Variants in PCDH11X observed in about 807,000 individuals in gnomAD.
PCDH11X encodes the protein protocadherin 11 X-linked.
Under a neutral mutation model 53.3 loss-of-function variants are expected in PCDH11X, and 18 were observed. The ratio of observed to expected loss-of-function variants is 0.34; its 90% CI spans 0.23 to 0.50. The LOEUF (loss-of-function observed/expected upper bound fraction) is 0.50. Among genes scored for constraint, PCDH11X ranks in the 20% least tolerant of loss-of-function variants. PCDH11X has a pLI of 0.98. For synonymous variants in PCDH11X, 279 were observed against 393.3 expected (o/e 0.71, Z 3.44); for missense variants, 570 against 1,032.4 (o/e 0.55, Z 6.14).
At chrX:92,379,009 T>C (rs189362512) in intron 8 of PCDH11X, among the ~76,000 whole-genome samples, 3,605 of 113,004 alleles carry the variant, frequency 0.032, 130 homozygotes, top group African/African-American at 0.11. Context: ...GTGGCGGCTG[T>C]CTGGAGTGGC....
At chrX:92,473,339 C>T (rs1483319530) in intron 10 of PCDH11X, among the ~76,000 whole-genome samples, 1 of 111,259 alleles carries the variant, frequency 9.0e-6, no homozygotes. Context: ...TTCAGGTCTT[C>T]TCTCTTTTCT....
intron 10 of PCDH11X, among the ~76,000 whole-genome samples, chrX:92,599,511 G>A (rs754304739): frequency 4.8e-4 from 54 of 112,225 alleles, no homozygotes; most frequent in African/African-American, 1.4e-3. Context: ...CTTGCCTGCC[G>A]CCATGTAAGG....
rs1376014464 is a variant in PCDH11X, at chrX:91,982,717, G to A, written c.3033+103444G>A. On this transcript the variant is annotated intron_variant, in intron 6 of 10. Transcript: ENST00000682573. ...CCAGCATTGACGTTCTTGCCATCCA[G>A]AAGAGCTGACAGTGTCAGTTTGATA... is the stretch of plus-strand genomic sequence containing the variant. 3.0e-6 allele frequency: 3 copies of A among 987,051 alleles called. No homozygotes were observed. The Admixed American group carries it at 6.6e-5, about 22-fold the overall frequency. 81.3% of individuals were successfully genotyped at this position (987,051 alleles called of 1,213,427 possible).
intron 10 of PCDH11X, among the ~76,000 whole-genome samples, chrX:92,583,908 T>C (rs867294875): frequency 3.5e-4 from 35 of 100,642 alleles, no homozygotes; most frequent in Middle Eastern, 6.1e-3. Flanking sequence ...AAAAAACTTA[T>C]TGAATTCAAA....
At chrX:92,336,845 G>A (rs1026274803) in intron 8 of PCDH11X, among the ~76,000 whole-genome samples, 2 of 110,788 alleles carry the variant, frequency 1.8e-5, no homozygotes, top group African/African-American at 6.6e-5. Context: ...TAGTCATAGT[G>A]TCTGAGGACT....
Position 92,590,944 on chromosome X carries a change from C to T in PCDH11X, c.3368-27320C>T, listed in dbSNP as rs1924971312. ...CCCTCTTCAAATTGCCCTACACTACCCATTGAATTCTCAGTCAGAGGTCCC... is the reference window on the plus strand; with the variant it reads ...CCCTCTTCAAATTGCCCTACACTACTCATTGAATTCTCAGTCAGAGGTCCC... On this transcript the variant is annotated intron_variant, in intron 10 of 10. Transcript: ENST00000682573. Among the ~76,000 whole-genome samples the T allele has an allele frequency of 2.7e-5, 3 of 110,754 alleles. No individual in the cohort carries two copies. The Admixed American group carries it at 2.9e-4, about 11-fold the overall frequency.
Position 91,936,864 on chromosome X carries a change from AT to A in PCDH11X, c.3033+57593del, listed in dbSNP as rs1169901779. Among the ~76,000 whole-genome samples the A allele has an allele frequency of 6.5e-5, 7 of 106,976 alleles. No individual in the cohort carries two copies. The South Asian group carries it at 2.7e-3, about 42-fold the overall frequency. 92.9% of individuals were successfully genotyped at this position (106,976 alleles called of 115,157 possible). On this transcript the variant is annotated intron_variant, in intron 6 of 10. Transcript: ENST00000682573. ...TTAAGAATATTCAATGAGGATGCTT[AT>A]TATCTTCTCATTTTATTAGATTTAC...
intron 6 of PCDH11X, among the ~76,000 whole-genome samples, chrX:92,023,828 G>A (rs1168735259): frequency 3.6e-5 from 4 of 109,739 alleles, no homozygotes; most frequent in East Asian, 2.9e-4. Flanking sequence ...CAATCAAGTC[G>A]GCTTCATCCC....
chrX:92,360,894 G>C (rs868618855), intron 8 of PCDH11X, among the ~76,000 whole-genome samples: 1 of 108,240 alleles, frequency 9.2e-6, no homozygotes, highest in Non-Finnish European at 1.9e-5. Context: ...AATGGCCTGT[G>C]TTGGGCCACT....
chrX:91,907,410 C>CAGAG (rs1302662059), intron 6 of PCDH11X, among the ~76,000 whole-genome samples: 94 of 56,213 alleles, frequency 1.7e-3, no homozygotes, highest in African/African-American at 6.4e-3. Context: ...CACACACACA[C>CAGAG]ACAGAGAGAG....
intron 6 of PCDH11X, among the ~76,000 whole-genome samples, chrX:92,110,108 A>G (rs34613926): frequency 8.9e-6 from 1 of 112,092 alleles, no homozygotes. Context: ...TAAATCAATC[A>G]TATATTTAAA....
At chrX:91,995,164 A>G (rs1339368826) in intron 6 of PCDH11X, among the ~76,000 whole-genome samples, 2 of 107,225 alleles carry the variant, frequency 1.9e-5, no homozygotes, top group African/African-American at 6.8e-5. Flanking sequence ...AGTTTAATGT[A>G]GTTCCAATTG....
At chrX:92,336,369 A>C (rs1159566349) in intron 8 of PCDH11X, among the ~76,000 whole-genome samples, 3 of 111,600 alleles carry the variant, frequency 2.7e-5, no homozygotes, top group Non-Finnish European at 5.7e-5. Context: ...TGAAATAGTT[A>C]GCATTTATTA....
In PCDH11X at chrX:92,622,214, A is replaced by G. The variant is rs1347248190; in HGVS notation, c.*3274A>G. 4.9e-5 allele frequency: 5 copies of G among 101,573 alleles called. No homozygotes were observed. The highest frequency in any genetic ancestry group is 1.4e-4 in the African/African-American group (4 of 27,901). The allele number at this position is 101,573 out of a possible 1,213,427, so 8.4% of individuals were successfully genotyped here. A position where few individuals can be genotyped will look rare whatever the true frequency, so the allele number is the denominator to read the frequency against. ...GCTATTGTGTAATGGTAGCAGTTAC[A>G]AAGAGCCTCTGCCTTCCCAAACTAA... On this transcript the variant is annotated 3_prime_UTR_variant, in exon 11 of 11. Coordinates refer to ENST00000682573, the MANE Select transcript of PCDH11X (RefSeq NM_032968.5).
At chrX:92,348,213 G>C (rs2069949750) in intron 8 of PCDH11X, among the ~76,000 whole-genome samples, 1 of 111,641 alleles carries the variant, frequency 9.0e-6, no homozygotes, top group African/African-American at 3.3e-5. Context: ...ACGTCTGTTG[G>C]TGAAGTTCTG....
intron 6 of PCDH11X, among the ~76,000 whole-genome samples, chrX:92,062,040 G>A (rs1425399308): frequency 1.4e-4 from 15 of 110,773 alleles, no homozygotes; most frequent in Non-Finnish European, 2.3e-4. Flanking sequence ...CATTTCTCTG[G>A]TTAGTTCTAT....
chrX:91,945,916 C>T (rs1312552268), intron 6 of PCDH11X, among the ~76,000 whole-genome samples: 1 of 110,028 alleles, frequency 9.1e-6, no homozygotes, highest in Non-Finnish European at 1.9e-5. Flanking sequence ...GTACCAACTA[C>T]TTTTGGCATG....
chrX:92,547,915 C>T (rs1467943907), intron 10 of PCDH11X, among the ~76,000 whole-genome samples: 1 of 108,898 alleles, frequency 9.2e-6, no homozygotes, highest in Non-Finnish European at 1.9e-5. Flanking sequence ...AGAATTTTAA[C>T]ATCTATTAAA....
intron 10 of PCDH11X, among the ~76,000 whole-genome samples, chrX:92,520,118 C>T (rs1157459432): frequency 9.1e-6 from 1 of 109,978 alleles, no homozygotes; most frequent in East Asian, 2.9e-4. Context: ...AAGGAATCAA[C>T]ATTAACACTT....
Sources: allele counts gnomAD v4.1 joint callset (sites outside exome capture counted in the v4.1 genomes callset), GRCh38; gene constraint gnomAD v4.1.1; transcripts MANE v1.5; gene names NCBI Gene and HGNC (gene_info 2026-07-23, HGNC 2026-07-21).